The following IQCF5 variants were observed in gnomAD, a reference collection of about 807,000 sequenced individuals.
The protein encoded by IQCF5 is IQ domain-containing protein F5.
In IQCF5, 2 loss-of-function variants were observed where a neutral mutation model predicts 3.4. The ratio of observed to expected loss-of-function variants is 0.58; its 90% CI spans 0.24 to 1.84. The LOEUF is 1.84. Ranked by LOEUF, IQCF5 falls within the 40% of genes most tolerant of loss-of-function variation. The pLI is 0.17. For synonymous variants in IQCF5, 58 were observed against 64.7 expected (o/e 0.90, Z 0.49); for missense variants, 167 against 191.6 (o/e 0.87, Z 0.76).
At position 51,873,875 on chromosome 3, in the gene IQCF5, C is replaced by A; in HGVS notation, c.305G>T (p.Arg102Leu). 1 of 1,551,754 alleles carries A rather than the reference C, an allele frequency of 6.4e-7. No individual in the cohort carries two copies. Among genetic ancestry groups the A allele is most frequent in the Non-Finnish European group, 8.7e-7 (1 of 1,146,998 alleles). The change falls in exon 2 of 2, where the codon CGC becomes CTC. Residue 102 changes from arginine to leucine, a missense_variant. Coordinates refer to ENST00000446461, the MANE Select transcript of IQCF5 (RefSeq NM_001145059.2). ...GACACGGGAATGGCAGCTGTGCCAG[C>A]GCCAATAGACCTGGATGATGCGGAC... The part of the protein sequence containing the change: ...NAVRIIQVYW[R>L]WHSCHSRVFI...
chr3:51,873,896 C>T lies in IQCF5; in HGVS notation c.284G>A (p.Arg95His), dbSNP rs1300020072. Residue 95 changes from arginine to histidine, a missense_variant, in exon 2 of 2, where the codon CGC becomes CAC. Coordinates refer to ENST00000446461, the MANE Select transcript of IQCF5 (RefSeq NM_001145059.2). ...QRYCRLLNAV[R>H]IIQVYWRWHS... ...CCAGCGCCAATAGACCTGGATGATG[C>T]GGACAGCGTTGAGCAAACGACAGTA... 8 of 1,551,766 alleles carry T rather than the reference C, an allele frequency of 5.2e-6. No individual in the cohort carries two copies. The highest frequency in any genetic ancestry group is 3.9e-5 in the Admixed American group (2 of 51,006).
chr3:51,874,349 C>T (rs958805266), intron 1 of IQCF5, 174 bp from the exon 2 acceptor site: 18 of 725,202 alleles, frequency 2.5e-5, no homozygotes, highest in Non-Finnish European at 3.4e-5. Flanking sequence ...GCTCACCTCA[C>T]TTGACCTCTG....
At chr3:51,874,300 T>A (rs764730933) in intron 1 of IQCF5, 125 bp from the exon 2 acceptor site, 1 of 952,632 alleles carries the variant, frequency 1.0e-6, no homozygotes, top group Non-Finnish European at 1.6e-6. Flanking sequence ...GGAGACCAGG[T>A]AGGTGTCCCC....
At position 51,873,793 on chromosome 3, in the gene IQCF5, G is replaced by T; in HGVS notation, c.387C>A (p.Ile129=). The change falls in exon 2 of 2, where the codon ATC becomes ATA. Residue 129 remains isoleucine (I), a synonymous_variant. Transcript: ENST00000446461. Reference sequence around the variant, plus strand: ...CCTTACAAGCCTGTAAGCCCAAAGAGATTTCAAGTTGAATATTAAGTTGGT... The same window carrying T: ...CCTTACAAGCCTGTAAGCCCAAAGATATTTCAAGTTGAATATTAAGTTGGT... The part of the protein sequence containing the change: ...KENQLNIQLE[I]SLGLQACKVQ... 6.4e-7 allele frequency: 1 copy of T among 1,551,730 alleles called. No homozygotes were observed. The highest frequency in any genetic ancestry group is 2.4e-5 in the East Asian group (1 of 40,930).
rs1698767008 is a variant in IQCF5, at chr3:51,873,920, T to TAA, written c.258_259dup (p.Tyr87PhefsTer61). The TAA allele has an allele frequency of 6.4e-7, 1 of 1,551,696 alleles. No individual in the cohort carries two copies. The highest frequency in any genetic ancestry group is 1.4e-5 in the African/African-American group (1 of 73,050). On this transcript the variant is annotated frameshift_variant, in exon 2 of 2. Transcript: ENST00000446461. LOFTEE classifies it low-confidence loss of function (END_TRUNC). ...GCGGACAGCGTTGAGCAAACGACAG[T>TAA]AACGCTGGCGGACACACCACATGCG...
intron 1 of IQCF5, 45 bp from the exon 2 acceptor site, chr3:51,874,220 C>T (rs957842321): frequency 6.6e-7 from 1 of 1,520,954 alleles, no homozygotes; most frequent in East Asian, 2.5e-5. Context: ...TAGGAAGGGG[C>T]CCTGATCCTC....
chr3:51,874,194 C>T lies in IQCF5; in HGVS notation c.5-19G>A, dbSNP rs775941055. On this transcript the variant is annotated intron_variant, in intron 1 of 1. Transcript: ENST00000446461. ...TCTGGGCCTTACAAGAGAAAACAGA[C>T]ACACTCAGGGTATGCTAGGAAGGGG... 7.8e-6 allele frequency: 12 copies of T among 1,546,892 alleles called. No homozygotes were observed. The South Asian group carries it at 1.1e-4, about 14-fold the overall frequency.
Position 51,874,089 on chromosome 3 carries a change from G to A in IQCF5, c.91C>T (p.Leu31=). 6.4e-7 allele frequency: 1 copy of A among 1,552,978 alleles called. No individual in the cohort carries two copies. The highest frequency in any genetic ancestry group is 8.7e-7 in the Non-Finnish European group (1 of 1,147,632). The stretch of plus-strand genomic sequence containing the variant: ...CAAGCCCTGAGGGCTGCATGCAGCA[G>A]TGTGCGTCGCACCAGCATGCCCCGC... ...WWRGMLVRRT[L]LHAALRAWII... Residue 31 remains leucine, a synonymous_variant, in exon 2 of 2, where the codon CTG becomes TTG. Coordinates refer to ENST00000446461, the MANE Select transcript of IQCF5 (RefSeq NM_001145059.2).
intron 1 of IQCF5, chr3:51,875,264 T>C: frequency 1.9e-6 from 1 of 521,148 alleles, no homozygotes; most frequent in Admixed American, 3.2e-5. Context: ...CCTTCTGGAA[T>C]CAGAGTGTAT....
chr3:51,875,205 G>A (rs1407196281), intron 1 of IQCF5: 5 of 344,256 alleles, frequency 1.5e-5, no homozygotes, highest in Non-Finnish European at 2.8e-5. Context: ...CTGTTCTATC[G>A]ATGTGATTTC....
At chr3:51,875,246 C>T in intron 1 of IQCF5, 1 of 497,320 alleles carries the variant, frequency 2.0e-6, no homozygotes, top group South Asian at 2.4e-5. Flanking sequence ...TTTAAAACAG[C>T]TTGCCATCCT....
intron 1 of IQCF5, 26 bp from the exon 2 acceptor site, chr3:51,874,201 A>G (rs1312386365): frequency 6.5e-7 from 1 of 1,544,708 alleles, no homozygotes; most frequent in Middle Eastern, 1.7e-4. Flanking sequence ...AGACACACTC[A>G]GGGTATGCTA....
At chr3:51,874,550 G>A (rs151104686) in intron 1 of IQCF5, 33 of 428,358 alleles carry the variant, frequency 7.7e-5, no homozygotes, top group African/African-American at 4.0e-4. Context: ...GGTGTCCTTT[G>A]CTCCTCCTGC....
At chr3:51,875,102 C>A (rs757526531) in intron 1 of IQCF5, 1 of 218,342 alleles carries the variant, frequency 4.6e-6, no homozygotes, top group Non-Finnish European at 9.2e-6. Flanking sequence ...GACCCAGCCA[C>A]TCACGGAGTT....
chr3:51,874,408 C>G (rs1174073941), intron 1 of IQCF5: 13 of 688,462 alleles, frequency 1.9e-5, no homozygotes, highest in Non-Finnish European at 3.5e-5. Flanking sequence ...GCCCTAGCTA[C>G]CTCATTCCAT....
At chr3:51,875,175 C>A in intron 1 of IQCF5, 1 of 265,112 alleles carries the variant, frequency 3.8e-6, no homozygotes, top group Non-Finnish European at 7.4e-6. Context: ...TCCCTCTTCT[C>A]CCCTTTGTTC....
At chr3:51,874,684 A>C (rs1698777865) in intron 1 of IQCF5, 2 of 352,138 alleles carry the variant, frequency 5.7e-6, no homozygotes, top group Non-Finnish European at 1.1e-5. Flanking sequence ...CTATGCATGC[A>C]TCTGTACAAA....
At position 51,873,935 on chromosome 3, in the gene IQCF5, C is replaced by G. The variant is rs1310995650; in HGVS notation, c.245G>C (p.Cys82Ser). The G allele has an allele frequency of 6.4e-7, 1 of 1,551,756 alleles. No homozygotes were observed. Among genetic ancestry groups the G allele is most frequent in the Non-Finnish European group, 8.7e-7 (1 of 1,147,070 alleles). The change falls in exon 2 of 2, where the codon TGT becomes TCT. Residue 82 changes from cysteine (C) to serine (S), a missense_variant. Coordinates refer to ENST00000446461, the MANE Select transcript of IQCF5 (RefSeq NM_001145059.2). ...VRLQSWVRMW[C>S]VRQRYCRLLN... The stretch of plus-strand genomic sequence containing the variant: ...CAAACGACAGTAACGCTGGCGGACA[C>G]ACCACATGCGGACCCAGGACTGCAG...
At chr3:51,874,809 C>G (rs1322665562) in intron 1 of IQCF5, 1 of 204,370 alleles carries the variant, frequency 4.9e-6, no homozygotes, top group Non-Finnish European at 1.0e-5. Flanking sequence ...CTGCCCCACT[C>G]CTGGCCACAG....
Sources: gnomAD v4.1 joint callset for allele counts on GRCh38, gnomAD v4.1.1 for gene constraint, MANE v1.5 for transcripts, NCBI Gene and HGNC (gene_info 2026-07-23, HGNC 2026-07-21) for gene names.